The following ZNF426 variants were observed in gnomAD, a reference collection of about 807,000 sequenced individuals.
The protein encoded by ZNF426 is zinc finger protein 426, also known as CTC-543D15.7.
A neutral mutation model predicts 24.0 loss-of-function variants in ZNF426; 23 were observed. The observed-to-expected ratio is 0.96, with a 90% CI of 0.69 to 1.36. The LOEUF (loss-of-function observed/expected upper bound fraction) is 1.36, where lower values mean the gene tolerates loss of function less well. Ranked by LOEUF, ZNF426 falls within the 40% of genes most tolerant of loss-of-function variation. The probability of loss-of-function intolerance (pLI) is 0.00; values close to 1 mark genes in which losing one functional copy is unlikely to be tolerated. For synonymous variants in ZNF426, 272 were observed against 224.6 expected (o/e 1.21, Z -1.89); for missense variants, 646 against 658.4 (o/e 0.98, Z 0.21).
chr19:9,536,403 C>T, intron 2 of ZNF426, 47 bp from the exon 3 acceptor site: 2 of 1,510,500 alleles, frequency 1.3e-6, no homozygotes, highest in African/African-American at 1.4e-5. Flanking sequence ...AATCATCAGC[C>T]ATCAAACATA....
chr19:9,538,463 C>G (rs1271593604), intron 1 of ZNF426, 112 bp downstream of exon 1: 2 of 152,312 alleles, frequency 1.3e-5, no homozygotes, highest in South Asian at 2.1e-4. Flanking sequence ...AGCGACGGTC[C>G]GAGCGGACGC....
At chr19:9,533,732 T>C (rs879207405) in intron 5 of ZNF426, 108 bp downstream of exon 5, 34 of 1,441,844 alleles carry the variant, frequency 2.4e-5, no homozygotes, top group East Asian at 2.1e-4. Flanking sequence ...GGACTATGTC[T>C]CTGTTATTTC....
At chr19:9,532,268 TTC>T (rs1010826690) in intron 6 of ZNF426, among the ~76,000 whole-genome samples, 4 of 149,642 alleles carry the variant, frequency 2.7e-5, no homozygotes, top group East Asian at 3.9e-4. Flanking sequence ...CTGGAAATTT[TTC>T]TTTTTTTCTT....
intron 2 of ZNF426, among the ~76,000 whole-genome samples, chr19:9,537,099 C>G (rs1198988620): frequency 6.6e-6 from 1 of 151,538 alleles, no homozygotes; most frequent in Admixed American, 6.6e-5. Context: ...CACTGCACTC[C>G]AGCCTAGGTG....
rs1319572473 is a variant in ZNF426 at position 9,525,314 on chromosome 19, T to C, written c.*3066A>G. On this transcript the variant is annotated 3_prime_UTR_variant, in exon 8 of 8. Coordinates refer to ENST00000253115, the MANE Select transcript of ZNF426 (RefSeq NM_024106.3). Reference sequence around the variant, plus strand: ...AAAAGGAAGGATTATATAAATCCTTTTCAACATTTCTTATGCTGAAAGGGC... The same window carrying C: ...AAAAGGAAGGATTATATAAATCCTTCTCAACATTTCTTATGCTGAAAGGGC... The C allele has an allele frequency of 2.0e-5, 3 of 152,068 alleles. No individual in the cohort carries two copies. Among genetic ancestry groups the C allele is most frequent in the Non-Finnish European group, 4.4e-5 (3 of 68,006 alleles). 9.4% of individuals were successfully genotyped at this position (152,068 alleles called of 1,614,324 possible). A position where few individuals can be genotyped will look rare whatever the true frequency, so the allele number is the denominator to read the frequency against.
chr19:9,523,911 C>T lies in ZNF426; in HGVS notation c.*4469G>A, dbSNP rs1309082153. On this transcript the variant is annotated 3_prime_UTR_variant, in exon 8 of 8. Transcript: ENST00000253115. ...GTCCATGGCCCAGGGGTTTGGGGAT[C>T]CCTGACCTAGGCCATTCCACTTATT... is the stretch of plus-strand genomic sequence containing the variant. 6.6e-6 allele frequency: 1 copy of T among 152,240 alleles called. No homozygotes were observed. The highest frequency in any genetic ancestry group is 6.5e-5 in the Admixed American group (1 of 15,280). 9.4% of individuals were successfully genotyped at this position (152,240 alleles called of 1,614,324 possible).
At chr19:9,530,892 C>T (rs2073873009) in intron 7 of ZNF426, 93 bp downstream of exon 7, 3 of 1,032,822 alleles carry the variant, frequency 2.9e-6, no homozygotes, top group Non-Finnish European at 4.5e-6. Flanking sequence ...TGCAACTTCT[C>T]TCAAATATCT....
At chr19:9,533,754 A>G in intron 5 of ZNF426, 86 bp downstream of exon 5, 1 of 1,555,470 alleles carries the variant, frequency 6.4e-7, no homozygotes, top group South Asian at 1.1e-5. Context: ...CTTTGCATTC[A>G]GAGTTGACAT....
At position 9,530,968 on chromosome 19, in the gene ZNF426, T is replaced by A; in HGVS notation, c.408+17A>T. The A allele has an allele frequency of 6.3e-7, 1 of 1,596,132 alleles. No individual in the cohort carries two copies. Among genetic ancestry groups the A allele is most frequent in the Non-Finnish European group, 8.6e-7 (1 of 1,164,240 alleles). On this transcript the variant is annotated intron_variant, in intron 7 of 7. Coordinates refer to ENST00000253115, the MANE Select transcript of ZNF426 (RefSeq NM_024106.3). ...CTCTGAGGGTGGAAAATAAAAAATATCCTATGCAAATCTTACCAATTGTAT... is the reference window on the plus strand; with the variant it reads ...CTCTGAGGGTGGAAAATAAAAAATAACCTATGCAAATCTTACCAATTGTAT...
rs2073784355 is a variant in ZNF426, at chr19:9,525,591, A to G, written c.*2789T>C. 1 of 151,602 alleles carries G rather than the reference A, an allele frequency of 6.6e-6. No homozygotes were observed. The highest frequency in any genetic ancestry group is 2.4e-5 in the African/African-American group (1 of 41,228). The allele number at this position is 151,602 out of a possible 1,614,324, so 9.4% of individuals were successfully genotyped here. On this transcript the variant is annotated 3_prime_UTR_variant, in exon 8 of 8. Coordinates refer to ENST00000253115, the MANE Select transcript of ZNF426 (RefSeq NM_024106.3). ...AAGCTCCACCTCCTGGGTTCACACC[A>G]TTCTCCTGCCTCAGCCTCCCAAGTA...
In ZNF426 at chr19:9,528,366, T is replaced by C. The variant is rs375265075; in HGVS notation, c.*14A>G. 7.7e-5 allele frequency: 120 copies of C among 1,553,540 alleles called. 1 individual carries two copies. The highest frequency in any genetic ancestry group is 2.6e-4 in the South Asian group (21 of 79,782). On this transcript the variant is annotated 3_prime_UTR_variant, in exon 8 of 8. Coordinates refer to ENST00000253115, the MANE Select transcript of ZNF426 (RefSeq NM_024106.3). ...TGAGAGCTTTCCCACATTTATTACA[T>C]GGACAGTTTCTCACTAGTGAATTTG...
chr19:9,535,885 C>T (rs1233591662), intron 3 of ZNF426, among the ~76,000 whole-genome samples: 3 of 151,694 alleles, frequency 2.0e-5, no homozygotes, highest in South Asian at 2.1e-4. Context: ...AACCTACTAC[C>T]ATACAATGCC....
Position 9,529,203 on chromosome 19 carries a change from T to A in ZNF426, c.842A>T (p.Lys281Ile). 3.1e-6 allele frequency: 5 copies of A among 1,614,176 alleles called. No homozygotes were observed. Among genetic ancestry groups the A allele is most frequent in the Non-Finnish European group, 4.2e-6 (5 of 1,180,038 alleles). The change falls in exon 8 of 8, where the codon AAA becomes ATA. Residue 281 changes from lysine to isoleucine, a missense_variant. By Grantham distance (102) the Lys-to-Ile change is moderately radical. Transcript: ENST00000253115. ...ATAGCCTTTTCCACATTCCTTACAT[T>A]TGTAGGGCTTTTTTGCATTGAGGGT... ...IETLNAKKPY[K>I]CKECGKGYRY... is the part of the protein sequence containing the mutation.
chr19:9,528,606 T>A lies in ZNF426; in HGVS notation c.1439A>T (p.Gln480Leu). Residue 480 changes from glutamine (Q) to leucine (L), a missense_variant, in exon 8 of 8, where the codon CAA becomes CTA. By Grantham distance (113) the Gln-to-Leu change is moderately radical (BLOSUM62 -2). Transcript: ENST00000253115. ...HTGEKPYECKQCGKAFSHSSS... is the reference protein window; with the variant it reads ...HTGEKPYECKLCGKAFSHSSS... Reference sequence around the variant, plus strand: ...GGAATGACTGAAGGCCTTTCCACATTGTTTACACTCATAGGGTTTTTCTCC... The same window carrying A: ...GGAATGACTGAAGGCCTTTCCACATAGTTTACACTCATAGGGTTTTTCTCC... 6.2e-7 allele frequency: 1 copy of A among 1,614,088 alleles called. No individual in the cohort carries two copies. The highest frequency in any genetic ancestry group is 8.5e-7 in the Non-Finnish European group (1 of 1,180,020).
At chr19:9,537,982 G>A (rs1307061065) in intron 2 of ZNF426, among the ~76,000 whole-genome samples, 1 of 152,084 alleles carries the variant, frequency 6.6e-6, no homozygotes, top group Non-Finnish European at 1.5e-5. Flanking sequence ...AAGCTCTCTT[G>A]GGATGTACAG....
In ZNF426 at chr19:9,523,432, G is replaced by A. The variant is rs902994708; in HGVS notation, c.*4948C>T. The A allele has an allele frequency of 1.3e-5, 2 of 152,092 alleles. No homozygotes were observed. Among genetic ancestry groups the A allele is most frequent in the African/African-American group, 2.4e-5 (1 of 41,414 alleles). The allele number at this position is 152,092 out of a possible 1,614,324, so 9.4% of individuals were successfully genotyped here. ...TGGTATCTCTTTCACTTCTTATAAG[G>A]AAACCAGTCATATTGAATGAGGGCC... is the stretch of plus-strand genomic sequence containing the variant. On this transcript the variant is annotated 3_prime_UTR_variant, in exon 8 of 8. Coordinates refer to ENST00000253115, the MANE Select transcript of ZNF426 (RefSeq NM_024106.3).
Position 9,526,924 on chromosome 19 carries a change from A to T in ZNF426, c.*1456T>A, listed in dbSNP as rs1353886124. On this transcript the variant is annotated 3_prime_UTR_variant, in exon 8 of 8. Coordinates refer to ENST00000253115, the MANE Select transcript of ZNF426 (RefSeq NM_024106.3). ...AAGGAAGAAGTGAAGGTAAAATAAA[A>T]ATGTTTATTTTTCTAATACTTAATT... The T allele has an allele frequency of 6.6e-6, 1 of 152,130 alleles. No homozygotes were observed. The highest frequency in any genetic ancestry group is 1.5e-5 in the Non-Finnish European group (1 of 68,038). The allele number at this position is 152,130 out of a possible 1,614,324, so 9.4% of individuals were successfully genotyped here.
In ZNF426 at chr19:9,535,234, G is replaced by A; in HGVS notation, c.71C>T (p.Thr24Ile). ...GDPVCLHEEK[T>I]PAGRIVADCL... Reference sequence around the variant, plus strand: ...GTCAGCCACTATTCTTCCTGCTGGTGTCTTTTCTTCATGAAGGCAAACTGG... The same window carrying A: ...GTCAGCCACTATTCTTCCTGCTGGTATCTTTTCTTCATGAAGGCAAACTGG... Residue 24 changes from threonine to isoleucine, a missense_variant, in exon 4 of 8, where the codon ACA becomes ATA. Thr to Ile is a moderately conservative substitution (Grantham distance 89, BLOSUM62 -1). Transcript: ENST00000253115. The A allele has an allele frequency of 1.2e-6, 2 of 1,613,686 alleles. No individual in the cohort carries two copies. The highest frequency in any genetic ancestry group is 1.1e-5 in the South Asian group (1 of 91,076).
chr19:9,537,636 G>GCA (rs1270574528), intron 2 of ZNF426, among the ~76,000 whole-genome samples: 1 of 149,926 alleles, frequency 6.7e-6, no homozygotes, highest in African/African-American at 2.5e-5. Flanking sequence ...AGCTTAAAAT[G>GCA]CACACATCCT....
Sources: gnomAD v4.1 joint callset for allele counts (sites outside exome capture counted in the v4.1 genomes callset) on GRCh38, gnomAD v4.1.1 for gene constraint, MANE v1.5 for transcripts, NCBI Gene and HGNC (gene_info 2026-07-23, HGNC 2026-07-21) for gene names.